PDE11A: variants seen among roughly 807,000 people sequenced by gnomAD.
PDE11A encodes the protein phosphodiesterase 11A.
A neutral mutation model predicts 100.5 loss-of-function variants in PDE11A; 100 were observed. The ratio of observed to expected loss-of-function variants is 1.00; its 90% CI spans 0.85 to 1.18. PDE11A has a LOEUF of 1.18. Ranked by LOEUF, PDE11A falls within the 50% of genes most tolerant of loss-of-function variation. The pLI, the probability that PDE11A is intolerant of heterozygous loss-of-function variation, is 0.00. For missense variants in PDE11A, 1,141 were observed against 1,152.6 expected (o/e 0.99, Z 0.15); for synonymous variants, 381 against 420.8 (o/e 0.91, Z 1.16).
chr2:177,771,805 C>T (rs747821222), intron 9 of PDE11A, among the ~76,000 whole-genome samples: 6 of 151,954 alleles, frequency 3.9e-5, no homozygotes, highest in African/African-American at 9.7e-5. Flanking sequence ...GAGTTCAATA[C>T]CAGCCTGGCC....
At chr2:177,982,583 G>A (rs999944956) in intron 2 of PDE11A, among the ~76,000 whole-genome samples, 1 of 150,604 alleles carries the variant, frequency 6.6e-6, no homozygotes, top group African/African-American at 2.4e-5. Context: ...ACAGAACCAT[G>A]TGGCAGAGAA....
At chr2:177,842,248 G>C (rs1181389362) in intron 5 of PDE11A, among the ~76,000 whole-genome samples, 1 of 152,156 alleles carries the variant, frequency 6.6e-6, no homozygotes. Context: ...GGAGAGGTCT[G>C]GGCACAGAAG....
chr2:177,933,916 C>T (rs1574289473), intron 2 of PDE11A, among the ~76,000 whole-genome samples: 2 of 152,116 alleles, frequency 1.3e-5, no homozygotes, highest in African/African-American at 2.4e-5. Context: ...GTTGGGATAG[C>T]TGGCGAGCCA....
intron 17 of PDE11A, among the ~76,000 whole-genome samples, chr2:177,673,891 G>A (rs2080725414): frequency 6.6e-6 from 1 of 152,174 alleles, no homozygotes. Flanking sequence ...AGACCTTCCA[G>A]GGCCTCTGTC....
chr2:178,063,696 G>C (rs547887613), intron 1 of PDE11A, among the ~76,000 whole-genome samples: 1 of 152,280 alleles, frequency 6.6e-6, no homozygotes, highest in East Asian at 1.9e-4. Context: ...GGGTGTATGA[G>C]ATTTTGATAA....
chr2:177,998,701 G>A, intron 2 of PDE11A: 1 of 1,100,034 alleles, frequency 9.1e-7, no homozygotes, highest in Non-Finnish European at 1.4e-6. Flanking sequence ...GCATCTTTAT[G>A]CTGGCCCACT....
chr2:177,816,875 T>C lies in PDE11A; in HGVS notation c.1691A>G (p.Tyr564Cys). ...CGLGINNTIM[Y>C]DQVKKSWAKQ... Reference sequence around the variant, plus strand: ...GGCCCAGGACTTCTTCACTTGATCATACATAATTGTGTTGTTGATGCCAAG... The same window carrying C: ...GGCCCAGGACTTCTTCACTTGATCACACATAATTGTGTTGTTGATGCCAAG... Residue 564 changes from tyrosine to cysteine, a missense_variant, in exon 9 of 20, where the codon TAT becomes TGT. Transcript: ENST00000286063. The C allele has an allele frequency of 6.2e-7, 1 of 1,611,458 alleles. No homozygotes were observed. Among genetic ancestry groups the C allele is most frequent in the Non-Finnish European group, 8.5e-7 (1 of 1,177,624 alleles).
intron 2 of PDE11A, among the ~76,000 whole-genome samples, chr2:177,984,639 G>A (rs1206004285): frequency 6.6e-6 from 1 of 152,132 alleles, no homozygotes; most frequent in East Asian, 1.9e-4. Context: ...AGCTACACAT[G>A]TTAAGTTCTC....
At position 177,922,500 on chromosome 2, in the gene PDE11A, C is replaced by T. The variant is rs7574565; in HGVS notation, c.1072-17313G>A. Among the ~76,000 whole-genome samples, 1,067 of 152,094 alleles carry T rather than the reference C, an allele frequency of 7.0e-3. 21 individuals carry two copies. The highest frequency in any genetic ancestry group is 0.024 in the African/African-American group (1,013 of 41,488). On this transcript the variant is annotated intron_variant, in intron 2 of 19. Coordinates refer to ENST00000286063, the MANE Select transcript of PDE11A (RefSeq NM_016953.4). ...AAAATAATAATAATAATTAAACACC[C>T]TCAACCACTTATTTCTCTTCCAAGA...
chr2:178,025,475 T>C (rs1195206579), intron 1 of PDE11A, among the ~76,000 whole-genome samples: 2 of 152,198 alleles, frequency 1.3e-5, no homozygotes, highest in African/African-American at 2.4e-5. Context: ...CCTCTGTTCT[T>C]CCTTTCTTAG....
intron 19 of PDE11A, among the ~76,000 whole-genome samples, chr2:177,658,539 C>A (rs886093965): frequency 3.3e-5 from 5 of 151,596 alleles, no homozygotes; most frequent in African/African-American, 1.2e-4. Flanking sequence ...TACATTCCTC[C>A]CTTCCTCCCT....
intron 1 of PDE11A, among the ~76,000 whole-genome samples, chr2:178,031,963 T>C (rs1345931624): frequency 1.3e-5 from 2 of 152,114 alleles, no homozygotes; most frequent in African/African-American, 2.4e-5. Context: ...GGCAGTGTGA[T>C]AGTAATACAG....
chr2:177,935,486 C>T (rs1280254529), intron 2 of PDE11A, among the ~76,000 whole-genome samples: 1 of 152,198 alleles, frequency 6.6e-6, no homozygotes, highest in Non-Finnish European at 1.5e-5. Context: ...CTGATTGCCT[C>T]AAATTGCCCC....
intron 2 of PDE11A, among the ~76,000 whole-genome samples, chr2:178,003,399 A>G (rs1256482973): frequency 6.6e-6 from 1 of 152,208 alleles, no homozygotes; most frequent in African/African-American, 2.4e-5. Flanking sequence ...GATACATGCT[A>G]CAACATGGAT....
chr2:178,079,916 CAT>C lies in PDE11A; in HGVS notation c.162+24384_162+24385del, dbSNP rs539040704. ...ATGGTCAGTGATGTTTAACATTTTT[CAT>C]ATGTTTGTTGGGCACATGAATGTCT... On this transcript the variant is annotated intron_variant, in intron 2 of 20. Coordinates refer to the PDE11A transcript ENST00000358450. 1.7e-3 allele frequency among the ~76,000 whole-genome samples: 253 copies of C among 152,242 alleles called. 1 individual carries two copies. The highest frequency in any genetic ancestry group is 2.8e-3 in the Non-Finnish European group (189 of 67,990).
chr2:177,990,833 G>A (rs1374794809), intron 2 of PDE11A, among the ~76,000 whole-genome samples: 1 of 149,668 alleles, frequency 6.7e-6, no homozygotes, highest in Non-Finnish European at 1.5e-5. Context: ...CAGATCACAA[G>A]GTCAACAAAA....
rs530685752 is a variant in PDE11A at position 177,628,199 on chromosome 2, A to G, written c.*1208T>C. ...ACAAATAAGGAAACAAGCTTGTAGAAGTTAAGTGACTTGTTCAAGTCAATC... is the reference window on the plus strand; with the variant it reads ...ACAAATAAGGAAACAAGCTTGTAGAGGTTAAGTGACTTGTTCAAGTCAATC... On this transcript the variant is annotated 3_prime_UTR_variant, in exon 20 of 20. Transcript: ENST00000286063. 6.5e-6 allele frequency: 1 copy of G among 152,694 alleles called. No homozygotes were observed. Among genetic ancestry groups the G allele is most frequent in the Non-Finnish European group, 1.5e-5 (1 of 68,056 alleles). The allele number at this position is 152,694 out of a possible 1,614,324, so 9.5% of individuals were successfully genotyped here.
At position 178,020,924 on chromosome 2, in the gene PDE11A, G is replaced by GGGGTGT. The variant is rs1491389840; in HGVS notation, c.913-6465_913-6464insACACCC. On this transcript the variant is annotated intron_variant, in intron 1 of 19. Coordinates refer to ENST00000286063, the MANE Select transcript of PDE11A (RefSeq NM_016953.4). Reference sequence around the variant, plus strand: ...CTTTGTTTTTTTGTTTTTTTGTCTTGGTGTGTGTGTGTGTGTGTGTGTGTG... The same window carrying GGGGTGT: ...CTTTGTTTTTTTGTTTTTTTGTCTTGGGGTGTGTGTGTGTGTGTGTGTGTGTGTGTG... Among the ~76,000 whole-genome samples the GGGGTGT allele has an allele frequency of 3.0e-3, 376 of 125,784 alleles. 8 individuals are homozygous for GGGGTGT. The highest frequency in any genetic ancestry group is 2.5e-3 in the Non-Finnish European group (150 of 59,278). 82.5% of individuals were successfully genotyped at this position (125,784 alleles called of 152,430 possible). A position where few individuals can be genotyped will look rare whatever the true frequency, so the allele number is the denominator to read the frequency against.
chr2:178,002,462 T>A (rs1406842206), intron 2 of PDE11A, among the ~76,000 whole-genome samples: 1 of 152,172 alleles, frequency 6.6e-6, no homozygotes, highest in Admixed American at 6.6e-5. Flanking sequence ...AAATGGTAGA[T>A]CTGTTTTAAG....
Sources: gnomAD v4.1 joint callset for allele counts (sites outside exome capture counted in the v4.1 genomes callset) on GRCh38, gnomAD v4.1.1 for gene constraint, MANE v1.5 for transcripts, NCBI Gene and HGNC (gene_info 2026-07-23, HGNC 2026-07-21) for gene names.